The following RAB33A variants were observed in gnomAD, a reference collection of about 807,000 sequenced individuals.
RAB33A encodes RAB33A, member RAS oncogene family.
RAB33A carries 6 observed loss-of-function variants against 12.0 expected under a neutral mutation model. The observed-to-expected ratio is 0.50, with a 90% CI of 0.27 to 0.99. RAB33A has a LOEUF of 0.99. RAB33A is among the 50% of genes least tolerant of loss of function. RAB33A has a pLI of 0.11. For synonymous variants in RAB33A, 70 were observed against 82.4 expected (o/e 0.85, Z 0.81); for missense variants, 109 against 192.0 (o/e 0.57, Z 2.55).
At chrX:130,171,951 C>G (rs1007062228), upstream of RAB33A, 33 of 900,064 alleles carry the variant, frequency 3.7e-5, no homozygotes, top group Non-Finnish European at 4.9e-5. Context: ...CACACACACA[C>G]GCGCGCACAC....
At chrX:130,175,423 G>A (rs2031654114) in intron 1 of RAB33A, among the ~76,000 whole-genome samples, 1 of 110,800 alleles carries the variant, frequency 9.0e-6, no homozygotes, top group Non-Finnish European at 1.9e-5. Context: ...TATAGCCCAA[G>A]GCCCCCAGGA....
chrX:130,155,179 C>G, the RAB33A span: 1 of 1,211,688 alleles, frequency 8.3e-7, no homozygotes, highest in Non-Finnish European at 1.1e-6. Flanking sequence ...GCCCCAGTGA[C>G]TGTTGCTCCT....
the RAB33A span, chrX:130,138,652 A>G: frequency 8.3e-7 from 1 of 1,210,941 alleles, no homozygotes; most frequent in Non-Finnish European, 1.1e-6. Context: ...GATAATCGTA[A>G]TTGATTTGAC....
At chrX:130,172,341 C>G (rs778760435) in intron 1 of RAB33A, 21 bp downstream of exon 1, 1 of 1,183,276 alleles carries the variant, frequency 8.5e-7, no homozygotes, top group Non-Finnish European at 1.1e-6. Context: ...GGGTCAGGTC[C>G]AGGAAGGGTG....
chrX:130,116,069 A>G, the RAB33A span, among the ~76,000 whole-genome samples: 7 of 105,088 alleles, frequency 6.7e-5, no homozygotes, highest in Non-Finnish European at 1.4e-4. Context: ...CTGATAGCCC[A>G]TCATGTTTTC....
intron 1 of RAB33A, among the ~76,000 whole-genome samples, chrX:130,176,706 T>C (rs1334262147): frequency 4.5e-5 from 5 of 112,299 alleles, no homozygotes; most frequent in African/African-American, 1.6e-4. Context: ...TGCTTCTTTC[T>C]GTGTGTGAGT....
chrX:130,167,130 A>G (rs2031546148), upstream of RAB33A, among the ~76,000 whole-genome samples: 2 of 112,133 alleles, frequency 1.8e-5, no homozygotes, highest in Non-Finnish European at 3.8e-5. Context: ...CAAACAGTAG[A>G]GGAAAAGGAT....
chrX:130,177,968 C>T (rs750203499), intron 1 of RAB33A, among the ~76,000 whole-genome samples: 12 of 111,961 alleles, frequency 1.1e-4, no homozygotes, highest in Non-Finnish European at 2.1e-4. Context: ...GCTTTCACTG[C>T]TTGGCAGGGG....
Position 130,172,130 on chromosome X carries a change from A to G in RAB33A, c.68A>G (p.Glu23Gly). The G allele has an allele frequency of 1.7e-6, 2 of 1,211,904 alleles. No individual in the cohort carries two copies. Among genetic ancestry groups the G allele is most frequent in the Non-Finnish European group, 2.2e-6 (2 of 895,432 alleles). The change falls in exon 1 of 2, where the codon GAG becomes GGG. Residue 23 changes from glutamate to glycine, a missense_variant. Coordinates refer to ENST00000257017, the MANE Select transcript of RAB33A (RefSeq NM_004794.3). ...TCGGCCGCTGGCCTGGCGTCCCTGG[A>G]GCTCGACTCGTCGCTGGACCAGTAC... ...PASAAGLASLELDSSLDQYVQ... is the reference protein window; with the variant it reads ...PASAAGLASLGLDSSLDQYVQ...
At chrX:130,153,178 C>CAAAAAAAAAAA in the RAB33A span, among the ~76,000 whole-genome samples, 3 of 43,912 alleles carry the variant, frequency 6.8e-5, no homozygotes, top group Non-Finnish European at 1.3e-4. Context: ...ACTAAAAATA[C>CAAAAAAAAAAA]AAAAAAAAAA....
At chrX:130,180,721 G>T (rs1347393271) in intron 1 of RAB33A, among the ~76,000 whole-genome samples, 1 of 91,718 alleles carries the variant, frequency 1.1e-5, no homozygotes, top group Non-Finnish European at 2.1e-5. Flanking sequence ...CTCCCAAAAT[G>T]CTGGGATTAC....
At chrX:130,139,717 G>A in the RAB33A span, 10 of 966,348 alleles carry the variant, frequency 1.0e-5, no homozygotes, top group South Asian at 5.8e-5. Context: ...CCCAAGTCCC[G>A]GGTGGGCACT....
chrX:130,152,410 A>C, the RAB33A span, among the ~76,000 whole-genome samples: 1 of 112,010 alleles, frequency 8.9e-6, no homozygotes, highest in Non-Finnish European at 1.9e-5. Context: ...CTGTACTCCT[A>C]GTTTGCACAG....
At chrX:130,120,955 GC>G in the RAB33A span, among the ~76,000 whole-genome samples, 1 of 112,939 alleles carries the variant, frequency 8.9e-6, no homozygotes, top group South Asian at 3.5e-4. Flanking sequence ...CGGCTCCTCT[GC>G]CCCCAGCTTT....
At chrX:130,170,065 A>G (rs2085819974), upstream of RAB33A, among the ~76,000 whole-genome samples, 1 of 112,526 alleles carries the variant, frequency 8.9e-6, no homozygotes, top group African/African-American at 3.2e-5. Context: ...TTAGCCAACT[A>G]AGAGGAAATC....
chrX:130,160,561 T>A, the RAB33A span, among the ~76,000 whole-genome samples: 2 of 112,125 alleles, frequency 1.8e-5, no homozygotes, highest in African/African-American at 6.5e-5. Flanking sequence ...ATTCTATTGA[T>A]ATTGACTGAA....
chrX:130,182,179 T>TACACACAC lies in RAB33A; in HGVS notation c.259-2105_259-2104insCACACACA, dbSNP rs59077749. 9.3e-3 allele frequency among the ~76,000 whole-genome samples: 677 copies of TACACACAC among 72,648 alleles called. 23 individuals are homozygous for TACACACAC. The highest frequency in any genetic ancestry group is 0.039 in the African/African-American group (633 of 16,087). The allele number at this position is 72,648 out of a possible 115,157, so 63.1% of individuals were successfully genotyped here. On this transcript the variant is annotated intron_variant, in intron 1 of 1. Coordinates refer to ENST00000257017, the MANE Select transcript of RAB33A (RefSeq NM_004794.3). The stretch of plus-strand genomic sequence containing the variant: ...AAAAATATATATATATATATATATA[T>TACACACAC]ATACACATATATATAACATATATAC...
At chrX:130,153,874 C>T in the RAB33A span, among the ~76,000 whole-genome samples, 1 of 112,055 alleles carries the variant, frequency 8.9e-6, no homozygotes, top group South Asian at 3.7e-4. Context: ...GTTGTTTAAG[C>T]CACTCAGTCC....
intron 1 of RAB33A, among the ~76,000 whole-genome samples, chrX:130,177,792 A>G (rs2031678069): frequency 9.0e-6 from 1 of 111,161 alleles, no homozygotes; most frequent in Non-Finnish European, 1.9e-5. Flanking sequence ...AGTTGATTTG[A>G]CTCCACTATA....
Sources: gnomAD v4.1 joint callset for allele counts (sites outside exome capture counted in the v4.1 genomes callset) on GRCh38, gnomAD v4.1.1 for gene constraint, MANE v1.5 for transcripts, NCBI Gene and HGNC (gene_info 2026-07-23, HGNC 2026-07-21) for gene names.